The following CLIP2 variants were observed in gnomAD, a reference collection of about 807,000 sequenced individuals.
The protein encoded by CLIP2 is CAP-Gly domain containing linker protein 2.
A neutral mutation model predicts 111.7 loss-of-function variants in CLIP2; 41 were observed. The ratio of observed to expected loss-of-function variants is 0.37; its 90% confidence interval spans 0.29 to 0.48. The LOEUF (loss-of-function observed/expected upper bound fraction) is 0.48. CLIP2 is among the 20% of genes least tolerant of loss of function. The probability of loss-of-function intolerance (pLI) is 0.99; values close to 1 mark genes in which losing one functional copy is unlikely to be tolerated. For synonymous variants in CLIP2, 660 were observed against 644.2 expected (o/e 1.02, Z -0.37); for missense variants, 1,160 against 1,422.1 (o/e 0.82, Z 2.96).
intron 13 of CLIP2, among the ~76,000 whole-genome samples, chr7:74,390,162 GAAGAAAGAAAGA>G (rs200256078): frequency 0.053 from 4,530 of 84,778 alleles, 126 homozygotes; most frequent in East Asian, 0.085. Context: ...AAGAAAGAAA[GAAGAAAGAAAGA>G]AAGAAAGAAA....
At position 74,338,418 on chromosome 7, in the gene CLIP2, C is replaced by A; in HGVS notation, c.122-30C>A. 6.2e-7 allele frequency: 1 copy of A among 1,606,420 alleles called. No homozygotes were observed. Among genetic ancestry groups the A allele is most frequent in the South Asian group, 1.1e-5 (1 of 90,088 alleles). On this transcript the variant is annotated intron_variant, in intron 2 of 16. Coordinates refer to ENST00000223398, the MANE Select transcript of CLIP2 (RefSeq NM_003388.5). The surrounding 1 kb of genome is among the most constrained non-coding windows in gnomAD (Gnocchi z 4.3). The stretch of plus-strand genomic sequence containing the variant: ...CCCAGGGGCCAGCCCTAACAGCCAC[C>A]TCTTTCCCTTTCCCTCTCCTTCTCT...
At position 74,326,910 on chromosome 7, in the gene CLIP2, A is replaced by G. The variant is rs187200305; in HGVS notation, c.121+9243A>G. Among the ~76,000 whole-genome samples, 8 of 151,534 alleles carry G rather than the reference A, an allele frequency of 5.3e-5. 1 individual carries two copies. Among genetic ancestry groups the G allele is most frequent in the African/African-American group, 1.7e-4 (7 of 41,312 alleles). The stretch of plus-strand genomic sequence containing the variant: ...CTCGGCCTCCCAAAGTGCTAGGATT[A>G]CAGGCCTGGGTCACCGTGCCTGGCC... On this transcript the variant is annotated intron_variant, in intron 2 of 16. Transcript: ENST00000223398.
intron 5 of CLIP2, among the ~76,000 whole-genome samples, chr7:74,356,996 C>T (rs1790165893): frequency 6.6e-6 from 1 of 152,086 alleles, no homozygotes; most frequent in Non-Finnish European, 1.5e-5. Context: ...TTCCTCCTTT[C>T]CCAGGAAAAA....
At position 74,338,456 on chromosome 7, in the gene CLIP2, C is replaced by T; in HGVS notation, c.130C>T (p.Leu44=). ...VAASSKEGSP[L]HKQSSGPSSS... is the part of the protein sequence containing the mutation. ...CCTCTCCTTCTCTGCAGGCTCCCCA[C>T]TGCACAAACAGTCATCTGGACCCTC... The change falls in exon 3 of 17, where the codon CTG becomes TTG. Residue 44 remains leucine (L), a synonymous_variant. Coordinates refer to ENST00000223398, the MANE Select transcript of CLIP2 (RefSeq NM_003388.5). The surrounding 1 kb of genome is among the most constrained non-coding windows in gnomAD (Gnocchi z 4.3). 6.2e-7 allele frequency: 1 copy of T among 1,612,852 alleles called. No individual in the cohort carries two copies. The highest frequency in any genetic ancestry group is 2.2e-5 in the East Asian group (1 of 44,864).
chr7:74,302,102 C>CTG (rs1268842567), intron 1 of CLIP2, among the ~76,000 whole-genome samples: 1 of 152,096 alleles, frequency 6.6e-6, no homozygotes, highest in African/African-American at 2.4e-5. Context: ...CATGCCAACT[C>CTG]TGTGTGTGTG....
At chr7:74,312,317 G>T (rs1788662105) in intron 1 of CLIP2, among the ~76,000 whole-genome samples, 1 of 152,114 alleles carries the variant, frequency 6.6e-6, no homozygotes, top group Non-Finnish European at 1.5e-5. Context: ...GAGGGATTTT[G>T]GGCAGAGAAG....
rs146530410 is a variant in CLIP2 at position 74,404,248 on chromosome 7, G to A, written c.*400G>A. The A allele has an allele frequency of 5.4e-3, 1,178 of 216,638 alleles. 21 individuals carry two copies. Among genetic ancestry groups the A allele is most frequent in the African/African-American group, 0.025 (1,125 of 44,518 alleles). The allele number at this position is 216,638 out of a possible 1,614,324, so 13.4% of individuals were successfully genotyped here. A position where few individuals can be genotyped will look rare whatever the true frequency, so the allele number is the denominator to read the frequency against. On this transcript the variant is annotated 3_prime_UTR_variant, in exon 17 of 17. Coordinates refer to ENST00000223398, the MANE Select transcript of CLIP2 (RefSeq NM_003388.5). ...TCCCTCGGGTCTCCCCAGAGGGGCC[G>A]GCGGGGGCTGGGGAGGGGGTAAGTT...
intron 2 of CLIP2, among the ~76,000 whole-genome samples, chr7:74,318,123 C>T (rs550535534): frequency 2.6e-5 from 4 of 151,074 alleles, no homozygotes; most frequent in South Asian, 2.1e-4. Flanking sequence ...GCCTGGGCAA[C>T]AGAGTGAGAC....
At chr7:74,327,303 A>C (rs1465521457) in intron 2 of CLIP2, among the ~76,000 whole-genome samples, 2 of 152,038 alleles carry the variant, frequency 1.3e-5, no homozygotes, top group African/African-American at 2.4e-5. Flanking sequence ...GGGTTTCACC[A>C]TCTTGGCCAG....
chr7:74,400,435 G>T lies in CLIP2; in HGVS notation c.2946G>T (p.Glu982Asp). 1 of 1,614,094 alleles carries T rather than the reference G, an allele frequency of 6.2e-7. No homozygotes were observed. Among genetic ancestry groups the T allele is most frequent in the Non-Finnish European group, 8.5e-7 (1 of 1,179,950 alleles). Residue 982 changes from glutamate to aspartate, a missense_variant, in exon 15 of 17, where the codon GAG (glutamate) becomes GAT (aspartate). Around this residue, in one of 5 missense-constraint regions of CLIP2, gnomAD observed 676 missense variants for 777.8 expected, o/e 0.87. Coordinates refer to ENST00000223398, the MANE Select transcript of CLIP2 (RefSeq NM_003388.5). ...YSLIDRSSAPELLRLQHQLMS... is the reference protein window; with the variant it reads ...YSLIDRSSAPDLLRLQHQLMS... Reference sequence around the variant, plus strand: ...TCATCGACCGGTCCTCGGCGCCCGAGCTTCTGCGGCTGCAGCACCAGCTGA... The same window carrying T: ...TCATCGACCGGTCCTCGGCGCCCGATCTTCTGCGGCTGCAGCACCAGCTGA...
chr7:74,372,948 A>C lies in CLIP2; in HGVS notation c.1397A>C (p.Glu466Ala). The change falls in exon 9 of 17, where the codon GAG (glutamate) becomes GCG (alanine). Residue 466 changes from glutamate to alanine, a missense_variant. Transcript: ENST00000223398. The part of the protein sequence containing the change: ...KGDLETQTQL[E>A]HARIGELEQS... ...GTGGACCAGACCCAGACGCAGCTGG[A>C]GCACGCGCGCATTGGGGAGCTGGAA... 7.5e-7 allele frequency: 1 copy of C among 1,336,446 alleles called. No homozygotes were observed. Among genetic ancestry groups the C allele is most frequent in the East Asian group, 4.6e-5 (1 of 21,852 alleles). 82.8% of individuals were successfully genotyped at this position (1,336,446 alleles called of 1,614,324 possible). A position where few individuals can be genotyped will look rare whatever the true frequency, so the allele number is the denominator to read the frequency against.
rs993519960 is a variant in CLIP2, at chr7:74,344,436, C to T, written c.678+5432C>T. 5.3e-5 allele frequency among the ~76,000 whole-genome samples: 8 copies of T among 152,128 alleles called. No individual in the cohort carries two copies. The East Asian group carries it at 1.3e-3, about 26-fold the overall frequency. On this transcript the variant is annotated intron_variant, in intron 3 of 16. Transcript: ENST00000223398. Reference sequence around the variant, plus strand: ...TTGCTCTGTCACTCAGGATGGAGTGCGGTGGTGTAGTCATAGCTCACTGCA... The same window carrying T: ...TTGCTCTGTCACTCAGGATGGAGTGTGGTGGTGTAGTCATAGCTCACTGCA...
chr7:74,300,537 A>G (rs1403182128), intron 1 of CLIP2, among the ~76,000 whole-genome samples: 12 of 147,164 alleles, frequency 8.2e-5, no homozygotes, highest in African/African-American at 3.0e-4. Context: ...CTCATTGCAA[A>G]CTCCGCCTCC....
chr7:74,321,047 G>T (rs542186434), intron 2 of CLIP2, among the ~76,000 whole-genome samples: 2 of 152,192 alleles, frequency 1.3e-5, no homozygotes, highest in East Asian at 3.9e-4. Flanking sequence ...CAGCTCTCAT[G>T]CCCCTCCTAG....
intron 2 of CLIP2, among the ~76,000 whole-genome samples, chr7:74,319,409 G>A (rs375582166): frequency 1.6e-4 from 25 of 152,222 alleles, no homozygotes; most frequent in African/African-American, 5.8e-4. Context: ...ATGGGAGGCC[G>A]AGGCATGAGA....
chr7:74,372,434 G>C (rs1370642389), intron 8 of CLIP2, among the ~76,000 whole-genome samples: 2 of 150,114 alleles, frequency 1.3e-5, no homozygotes, highest in African/African-American at 4.9e-5. Context: ...GGGAATCCCG[G>C]GGTCCTTTAT....
At chr7:74,357,552 C>T in intron 6 of CLIP2, 75 bp downstream of exon 6, 1 of 1,379,208 alleles carries the variant, frequency 7.3e-7, no homozygotes, top group South Asian at 1.2e-5. Context: ...AGAGCGGAGA[C>T]CCTGGAGGGG....
chr7:74,400,562 CG>C lies in CLIP2; in HGVS notation c.3066+8del. The C allele has an allele frequency of 6.5e-7, 1 of 1,541,034 alleles. No homozygotes were observed. Among genetic ancestry groups the C allele is most frequent in the South Asian group, 1.2e-5 (1 of 83,154 alleles). ...CTGCCCTGACAAGGCCCAGGTGAGC[CG>C]CGGCTGACAGGGCCCACCAGGAGGC... On this transcript the variant is annotated splice_region_variant and intron_variant, in intron 15 of 16. Coordinates refer to ENST00000223398, the MANE Select transcript of CLIP2 (RefSeq NM_003388.5).
chr7:74,384,173 G>C (rs1791017910), intron 11 of CLIP2, among the ~76,000 whole-genome samples: 1 of 152,034 alleles, frequency 6.6e-6, no homozygotes, highest in Non-Finnish European at 1.5e-5. Context: ...CTGGGTGACA[G>C]AGTGAGACTC....
Sources: allele counts gnomAD v4.1 joint callset (sites outside exome capture counted in the v4.1 genomes callset), GRCh38; gene constraint gnomAD v4.1.1; regional missense constraint gnomAD v4.1.1; non-coding constraint Gnocchi (gnomAD v3.1); transcripts MANE v1.5; gene names NCBI Gene and HGNC (gene_info 2026-07-23, HGNC 2026-07-21).